Variants in TICRR observed in about 807,000 individuals in gnomAD.
TICRR encodes TOPBP1 interacting checkpoint and replication regulator.
TICRR carries 132 observed loss-of-function variants against 178.1 expected under a neutral mutation model. That is an observed-to-expected ratio of 0.74 (90% CI 0.64 to 0.86). The LOEUF is 0.86. TICRR is among the 40% of genes least tolerant of loss of function. TICRR has a pLI of 0.00. For synonymous variants in TICRR, 991 were observed against 900.7 expected, an observed-to-expected ratio of 1.10 and a Z score of -1.79; for missense variants, 2,587 against 2,334.3, an observed-to-expected ratio of 1.11 and a Z score of -2.23.
At position 89,625,629 on chromosome 15, in the gene TICRR, G is replaced by C. The variant is rs771902491; in HGVS notation, c.5319G>C (p.Arg1773Ser). Residue 1773 changes from arginine to serine, a missense_variant, in exon 20 of 22, where the codon AGG (arginine) becomes AGC (serine). By Grantham distance (110) the Arg-to-Ser change is moderately radical. Coordinates refer to ENST00000268138, the MANE Select transcript of TICRR (RefSeq NM_152259.4). ...GGGGACAGTTTGGGTTGAGTTCCAG[G>C]AAGAGAGTCCTGTTGGCCAAGGAAG... ...SSWGQFGLSS[R>S]KRVLLAKEEA... 2 of 1,613,438 alleles carry C rather than the reference G, an allele frequency of 1.2e-6. No homozygotes were observed. The highest frequency in any genetic ancestry group is 2.2e-5 in the South Asian group (2 of 91,080).
chr15:89,624,594 C>G lies in TICRR; in HGVS notation c.4284C>G (p.Ser1428Arg). Residue 1428 changes from serine to arginine, a missense_variant, in exon 20 of 22, where the codon AGC becomes AGG. By Grantham distance (110) the Ser-to-Arg change is moderately radical. Coordinates refer to ENST00000268138, the MANE Select transcript of TICRR (RefSeq NM_152259.4). ...TDSRDDQKGL[S>R]LSPQSPPERR... Reference sequence around the variant, plus strand: ...CTAGAGATGACCAGAAGGGACTGAGCCTCTCTCCTCAGTCTCCTCCTGAAA... The same window carrying G: ...CTAGAGATGACCAGAAGGGACTGAGGCTCTCTCCTCAGTCTCCTCCTGAAA... The G allele has an allele frequency of 6.2e-7, 1 of 1,613,946 alleles. No homozygotes were observed. The highest frequency in any genetic ancestry group is 8.5e-7 in the Non-Finnish European group (1 of 1,180,020).
intron 1 of TICRR, among the ~76,000 whole-genome samples, chr15:89,581,318 C>T (rs887002545): frequency 3.9e-5 from 6 of 152,210 alleles, no homozygotes; most frequent in African/African-American, 1.4e-4. Context: ...TGTTGTTATA[C>T]TGTGATGCCA....
chr15:89,603,741 A>C (rs1963133029), intron 13 of TICRR, among the ~76,000 whole-genome samples: 1 of 152,196 alleles, frequency 6.6e-6, no homozygotes, highest in African/African-American at 2.4e-5. Flanking sequence ...ATAGTACTGA[A>C]CCCTATATAT....
chr15:89,597,171 C>G (rs1231568666), intron 7 of TICRR, among the ~76,000 whole-genome samples: 1 of 152,032 alleles, frequency 6.6e-6, no homozygotes, highest in Non-Finnish European at 1.5e-5. Context: ...CTGCTTTTAT[C>G]TATTGCTAAG....
In TICRR at chr15:89,575,974, G is replaced by A. The variant is rs776184882; in HGVS notation, c.388G>A (p.Gly130Arg). ...CACGAAGCCGATCCTGCGGAGCAGC[G>A]GGAGGAGACTGCTGGACGTGGAGAG... ...SPTKPILRSS[G>R]RRLLDVESEA... The change falls in exon 1 of 22, where the codon GGG (glycine) becomes AGG (arginine). Residue 130 changes from glycine (G) to arginine (R), a missense_variant. Transcript: ENST00000268138. 3 of 1,605,192 alleles carry A rather than the reference G, an allele frequency of 1.9e-6. No homozygotes were observed. Among genetic ancestry groups the A allele is most frequent in the Admixed American group, 1.7e-5 (1 of 58,976 alleles).
chr15:89,576,093 G>A lies in TICRR; in HGVS notation c.507G>A (p.Gln169=), dbSNP rs932569999. The A allele has an allele frequency of 1.2e-6, 2 of 1,611,946 alleles. No homozygotes were observed. The highest frequency in any genetic ancestry group is 1.7e-5 in the Admixed American group (1 of 59,992). The change falls in exon 1 of 22, where the codon CAG becomes CAA. Residue 169 remains glutamine (Q), a synonymous_variant. Transcript: ENST00000268138. ...CGCACTCGCAGAGGGAGCTGCTGCA[G>A]TTCGTGTCTGGGTGCGAGGCCCAGG... ...PCPHSQRELL[Q]FVSGCEAQAQ...
rs1227989687 is a variant in TICRR at position 89,575,814 on chromosome 15, T to C, written c.228T>C (p.Phe76=). ...RELGSRSWED[F]EEELEARLED... is the part of the protein sequence containing the mutation. Reference sequence around the variant, plus strand: ...TGGGGTCCCGCTCGTGGGAGGACTTTGAGGAGGAGCTGGAGGCCAGGCTCG... The same window carrying C: ...TGGGGTCCCGCTCGTGGGAGGACTTCGAGGAGGAGCTGGAGGCCAGGCTCG... Residue 76 remains phenylalanine (F), a synonymous_variant, in exon 1 of 22, where the codon TTT becomes TTC. Transcript: ENST00000268138. The C allele has an allele frequency of 6.2e-7, 1 of 1,602,284 alleles. No homozygotes were observed. The highest frequency in any genetic ancestry group is 1.3e-5 in the African/African-American group (1 of 74,798).
At chr15:89,601,131 G>T (rs1963087712) in intron 9 of TICRR, among the ~76,000 whole-genome samples, 167 bp from the exon 10 acceptor site, 1 of 150,554 alleles carries the variant, frequency 6.6e-6, no homozygotes, top group Admixed American at 6.6e-5. Flanking sequence ...ATAATATGCA[G>T]CTTGAATCAC....
rs376950585 is a variant in TICRR, at chr15:89,582,832, A to G, written c.801A>G (p.Ser267=). 2.5e-5 allele frequency: 40 copies of G among 1,614,064 alleles called. No individual in the cohort carries two copies. The Middle Eastern group carries it at 1.3e-3, about 53-fold the overall frequency. ...TGCTCAGGAGTGGAATAAAGCTGTC[A>G]AGTGAACCTCATCTTTCTCCGTGGA... ...EMLLRSGIKL[S]SEPHLSPWIS... is the part of the protein sequence containing the mutation. The change falls in exon 2 of 22, where the codon TCA becomes TCG. Residue 267 remains serine, a synonymous_variant. Coordinates refer to ENST00000268138, the MANE Select transcript of TICRR (RefSeq NM_152259.4).
At chr15:89,610,719 T>G (rs1963243872) in intron 15 of TICRR, among the ~76,000 whole-genome samples, 1 of 152,208 alleles carries the variant, frequency 6.6e-6, no homozygotes, top group African/African-American at 2.4e-5. Context: ...AAGGAACAAC[T>G]GTCATTTTCT....
In TICRR at chr15:89,575,535, G is replaced by C. The variant is rs571784136; in HGVS notation, c.-52G>C. ...CTGTTTCCCTGAAGGAAGGGACTAAGGGACGGTGGCGCGGGCCCGGACCGG... is the reference window on the plus strand; with the variant it reads ...CTGTTTCCCTGAAGGAAGGGACTAACGGACGGTGGCGCGGGCCCGGACCGG... On this transcript the variant is annotated 5_prime_UTR_variant, in exon 1 of 22. Transcript: ENST00000268138. The C allele has an allele frequency of 7.0e-7, 1 of 1,437,814 alleles. No individual in the cohort carries two copies. Among genetic ancestry groups the C allele is most frequent in the African/African-American group, 1.5e-5 (1 of 68,420 alleles). 89.1% of individuals were successfully genotyped at this position (1,437,814 alleles called of 1,614,324 possible).
At chr15:89,587,382 GAGTCATCAGTGATGTTTTAA>G (rs1962840158) in intron 4 of TICRR, among the ~76,000 whole-genome samples, 1 of 152,144 alleles carries the variant, frequency 6.6e-6, no homozygotes, top group African/African-American at 2.4e-5. Context: ...GAGATGATGG[GAGTCATCAGTGATGTTTTAA>G]AGCCATGAGA....
Position 89,582,902 on chromosome 15 carries a change from A to T in TICRR, c.871A>T (p.Asn291Tyr). 6.2e-7 allele frequency: 1 copy of T among 1,614,092 alleles called. No homozygotes were observed. The highest frequency in any genetic ancestry group is 1.1e-5 in the South Asian group (1 of 91,074). Residue 291 changes from asparagine to tyrosine, a missense_variant, in exon 2 of 22, where the codon AAT (asparagine) becomes TAT (tyrosine). Asn to Tyr is a moderately radical substitution (Grantham distance 143). Coordinates refer to ENST00000268138, the MANE Select transcript of TICRR (RefSeq NM_152259.4). ...TDATLNRLLY[N>Y]SPEYEASFPR... Reference sequence around the variant, plus strand: ...TGCCACTTTAAACCGTTTGCTCTACAATTCTCCTGAGTATGAGGCCTCGTT... The same window carrying T: ...TGCCACTTTAAACCGTTTGCTCTACTATTCTCCTGAGTATGAGGCCTCGTT...
chr15:89,583,966 G>A (rs2141953520), intron 2 of TICRR, among the ~76,000 whole-genome samples: 1 of 152,288 alleles, frequency 6.6e-6, no homozygotes, highest in Non-Finnish European at 1.5e-5. Flanking sequence ...GAGATTGCAG[G>A]CATGAGCCAC....
At chr15:89,621,184 T>C (rs1338298600) in intron 18 of TICRR, among the ~76,000 whole-genome samples, 2 of 152,006 alleles carry the variant, frequency 1.3e-5, no homozygotes, top group Non-Finnish European at 2.9e-5. Flanking sequence ...CACGCCCAGC[T>C]AATTTTTTGT....
chr15:89,595,448 A>G lies in TICRR; in HGVS notation c.1737A>G (p.Leu579=). The G allele has an allele frequency of 6.2e-7, 1 of 1,614,116 alleles. No homozygotes were observed. The change falls in exon 7 of 22, where the codon TTA becomes TTG. Residue 579 remains leucine, a synonymous_variant. Transcript: ENST00000268138. Reference sequence around the variant, plus strand: ...AGATGAATACCATGTGCCGTTCCTTAAAGATGTTGAATGTCGCAAGGCTGA... The same window carrying G: ...AGATGAATACCATGTGCCGTTCCTTGAAGATGTTGAATGTCGCAAGGCTGA... The part of the protein sequence containing the change: ...RQKMNTMCRS[L]KMLNVARLNV...
rs764372307 is a variant in TICRR, at chr15:89,585,857, C to A, written c.1326C>A (p.Pro442=). The stretch of plus-strand genomic sequence containing the variant: ...TCCAAACAGCTGTGGCTGACAGCCC[C>A]CGGGACACAGCTTCCCTTTTCTCAG... ...HVLQTAVADS[P]RDTASLFSDV... Residue 442 remains proline (P), a synonymous_variant, in exon 4 of 22, where the codon CCC becomes CCA. Coordinates refer to ENST00000268138, the MANE Select transcript of TICRR (RefSeq NM_152259.4). 6.2e-7 allele frequency: 1 copy of A among 1,614,078 alleles called. No homozygotes were observed. Among genetic ancestry groups the A allele is most frequent in the Admixed American group, 1.7e-5 (1 of 60,016 alleles).
rs1399453806 is a variant in TICRR, at chr15:89,621,265, C to A, written c.3155-128C>A. 3 of 851,474 alleles carry A rather than the reference C, an allele frequency of 3.5e-6. No individual in the cohort carries two copies. The African/African-American group carries it at 5.2e-5, about 15-fold the overall frequency. 52.7% of individuals were successfully genotyped at this position (851,474 alleles called of 1,614,324 possible). ...CGAACTCCTGACCTCAGACCATCCA[C>A]CTGTCTCGGCCTCCCAAAGTGCTGG... On this transcript the variant is annotated intron_variant, in intron 18 of 21. Transcript: ENST00000268138.
At chr15:89,587,046 G>T (rs538817574) in intron 4 of TICRR, among the ~76,000 whole-genome samples, 1 of 152,328 alleles carries the variant, frequency 6.6e-6, no homozygotes, top group African/African-American at 2.4e-5. Context: ...GCAAGAGATG[G>T]TGGGAAATGT....
Sources: allele counts gnomAD v4.1 joint callset (sites outside exome capture counted in the v4.1 genomes callset), GRCh38; gene constraint gnomAD v4.1.1; transcripts MANE v1.5; gene names NCBI Gene and HGNC (gene_info 2026-07-23, HGNC 2026-07-21).